FAM184A: variants seen among roughly 807,000 people sequenced by gnomAD.
The protein encoded by FAM184A is protein FAM184A.
In FAM184A, 99 loss-of-function variants were observed where a neutral mutation model predicts 143.8. That is an observed-to-expected ratio of 0.69 (90% CI 0.58 to 0.81). The LOEUF (loss-of-function observed/expected upper bound fraction) is 0.81, where lower values mean the gene tolerates loss of function less well. FAM184A is among the 40% of genes least tolerant of loss of function. FAM184A has a pLI of 0.00. For synonymous variants in FAM184A, 427 were observed against 446.4 expected (o/e 0.96, Z 0.55); for missense variants, 1,217 against 1,310.5 (o/e 0.93, Z 1.10).
At chr6:118,965,499 T>C (rs955921903) in intron 15 of FAM184A, among the ~76,000 whole-genome samples, 1 of 152,180 alleles carries the variant, frequency 6.6e-6, no homozygotes, top group African/African-American at 2.4e-5. Flanking sequence ...GATGTTCTAA[T>C]TGAGTAAGCA....
intron 1 of FAM184A, among the ~76,000 whole-genome samples, chr6:119,063,211 GAC>G (rs35945669): frequency 0.021 from 3,175 of 152,194 alleles, 54 homozygotes; most frequent in Non-Finnish European, 0.033. Context: ...AGTTAGAAAA[GAC>G]AGTACAATCA....
At chr6:119,058,966 ATTATT>A (rs1439793288) in intron 1 of FAM184A, among the ~76,000 whole-genome samples, 8 of 151,612 alleles carry the variant, frequency 5.3e-5, no homozygotes, top group Admixed American at 2.0e-4. Context: ...TTTTATATTT[ATTATT>A]TTATTTTATA....
Position 118,961,754 on chromosome 6 carries a change from G to T in FAM184A, c.3341+7C>A. The T allele has an allele frequency of 6.2e-7, 1 of 1,611,532 alleles. No individual in the cohort carries two copies. The highest frequency in any genetic ancestry group is 1.7e-4 in the Middle Eastern group (1 of 6,048). Reference sequence around the variant, plus strand: ...AAAGAAAAAAACATTGGTGAGACGGGTCTCACCTCAAAAATGTCTTGGGCC... The same window carrying T: ...AAAGAAAAAAACATTGGTGAGACGGTTCTCACCTCAAAAATGTCTTGGGCC... On this transcript the variant is annotated splice_region_variant and intron_variant, in intron 17 of 17. Transcript: ENST00000338891.
intron 15 of FAM184A, among the ~76,000 whole-genome samples, chr6:118,965,000 A>G (rs1481839078): frequency 6.6e-6 from 1 of 152,176 alleles, no homozygotes; most frequent in Non-Finnish European, 1.5e-5. Flanking sequence ...CTTTTCCTTC[A>G]AAAGTGGACC....
Position 119,022,961 on chromosome 6 carries a change from A to T in FAM184A, c.1134T>A (p.Asp378Glu). The change falls in exon 3 of 18, where the codon GAT becomes GAA. Residue 378 changes from aspartate (D) to glutamate (E), a missense_variant. Coordinates refer to ENST00000338891, the MANE Select transcript of FAM184A (RefSeq NM_024581.6). ...CACACATACTAGCTTTGAGGACAAG[A>T]TCTGAAGCTTGCTGTTGTAAACGTT... ...ARERLQQQAS[D>E]LVLKASHIGM... The T allele has an allele frequency of 1.2e-6, 2 of 1,614,158 alleles. No homozygotes were observed. The highest frequency in any genetic ancestry group is 2.2e-5 in the South Asian group (2 of 91,086).
intron 1 of FAM184A, among the ~76,000 whole-genome samples, 196 bp from the exon 2 acceptor site, chr6:119,025,009 A>C (rs1392689557): frequency 1.3e-5 from 2 of 152,240 alleles, no homozygotes; most frequent in African/African-American, 4.8e-5. Context: ...ATCTTAGCAC[A>C]GTCTTAAGAT....
intron 1 of FAM184A, among the ~76,000 whole-genome samples, chr6:119,074,127 G>A (rs1160886211): frequency 5.9e-5 from 9 of 152,196 alleles, no homozygotes; most frequent in Non-Finnish European, 8.8e-5. Flanking sequence ...TTAAACATCT[G>A]CAACGGCTAC....
At chr6:119,112,459 A>G (rs1788958348) in intron 1 of FAM184A, among the ~76,000 whole-genome samples, 1 of 152,210 alleles carries the variant, frequency 6.6e-6, no homozygotes, top group Non-Finnish European at 1.5e-5. Context: ...TGAACGTGCC[A>G]TGACTTCCAT....
intron 4 of FAM184A, 35 bp downstream of exon 4, chr6:119,019,943 C>A (rs1785385726): frequency 1.3e-6 from 2 of 1,482,580 alleles, no homozygotes; most frequent in Admixed American, 5.0e-5. Flanking sequence ...AAACGGAACT[C>A]TTTCGGGGGG....
At chr6:119,118,278 T>C (rs138565208) in intron 1 of FAM184A, among the ~76,000 whole-genome samples, 287 of 152,338 alleles carry the variant, frequency 1.9e-3, no homozygotes, top group African/African-American at 6.4e-3. Flanking sequence ...ATGTAAAATG[T>C]GAGCATAAAA....
At chr6:119,094,832 C>T (rs190126913) in intron 1 of FAM184A, among the ~76,000 whole-genome samples, 48 of 152,144 alleles carry the variant, frequency 3.2e-4, no homozygotes, top group Admixed American at 3.0e-3. Flanking sequence ...TCAAGCCTTC[C>T]GAGGATCCTT....
At chr6:119,139,294 T>C (rs1411812215) in intron 1 of FAM184A, among the ~76,000 whole-genome samples, 1 of 152,142 alleles carries the variant, frequency 6.6e-6, no homozygotes. Flanking sequence ...AGCTTGCTCT[T>C]TATTAGAAAG....
rs1052662224 is a variant in FAM184A, at chr6:119,000,106, G to A, written c.2088+2793C>T. ...ATAGTTCTGTGTCTCAATGGTCTGT[G>A]CATCTCCCTTAATTTTTCAGTCCAA... On this transcript the variant is annotated intron_variant, in intron 9 of 17. Transcript: ENST00000338891. Among the ~76,000 whole-genome samples, 9 of 152,208 alleles carry A rather than the reference G, an allele frequency of 5.9e-5. No individual in the cohort carries two copies. In the South Asian group the frequency reaches 1.2e-3, roughly 21 times the overall value.
At chr6:119,122,684 G>A (rs1021427870) in intron 1 of FAM184A, among the ~76,000 whole-genome samples, 3 of 151,874 alleles carry the variant, frequency 2.0e-5, no homozygotes, top group African/African-American at 7.3e-5. Flanking sequence ...CACTTTGGAA[G>A]GCTGAAGGGG....
At chr6:119,038,274 T>C (rs1374010716) in intron 1 of FAM184A, among the ~76,000 whole-genome samples, 1 of 151,860 alleles carries the variant, frequency 6.6e-6, no homozygotes, top group Non-Finnish European at 1.5e-5. Context: ...GGACACAGAG[T>C]GTCAGAGGCA....
intron 9 of FAM184A, among the ~76,000 whole-genome samples, chr6:118,998,829 C>G (rs1591366): frequency 0.019 from 2,845 of 152,264 alleles, 101 homozygotes; most frequent in African/African-American, 0.066. Context: ...CATGAGCGTA[C>G]TAGAGGCTAT....
At chr6:119,084,336 G>C (rs1030223050) in intron 1 of FAM184A, among the ~76,000 whole-genome samples, 5 of 152,160 alleles carry the variant, frequency 3.3e-5, no homozygotes, top group Admixed American at 6.5e-5. Context: ...GGGAGACATT[G>C]GCCAAAAGAA....
intron 1 of FAM184A, among the ~76,000 whole-genome samples, chr6:119,096,677 A>G (rs1459695359): frequency 6.6e-6 from 1 of 151,996 alleles, no homozygotes; most frequent in African/African-American, 2.4e-5. Context: ...AGAAAGAAAG[A>G]AAAGGTTAAT....
Position 119,016,772 on chromosome 6 carries a change from A to G in FAM184A, c.1505T>C (p.Ile502Thr). The G allele has an allele frequency of 1.4e-5, 23 of 1,613,958 alleles. No individual in the cohort carries two copies. The highest frequency in any genetic ancestry group is 1.9e-5 in the Non-Finnish European group (22 of 1,179,952). Residue 502 changes from isoleucine (I) to threonine (T), a missense_variant, in exon 5 of 18, where the codon ATT (isoleucine) becomes ACT (threonine). Ile to Thr is a moderately conservative substitution (Grantham distance 89). Coordinates refer to ENST00000338891, the MANE Select transcript of FAM184A (RefSeq NM_024581.6). ...CATTTGCAGTTTTTTCTTATCCCTA[A>G]TTGCATTACTGTGGACAGCTTCAAT... is the stretch of plus-strand genomic sequence containing the variant. Reference protein sequence around the residue: ...MAIEAVHSNAIRDKKKLQMDL... With the variant: ...MAIEAVHSNATRDKKKLQMDL...
Sources: allele counts gnomAD v4.1 joint callset (sites outside exome capture counted in the v4.1 genomes callset), GRCh38; gene constraint gnomAD v4.1.1; transcripts MANE v1.5; gene names NCBI Gene and HGNC (gene_info 2026-07-23, HGNC 2026-07-21).